The following C13orf42 variants were observed in gnomAD, a reference collection of about 807,000 sequenced individuals.
The protein encoded by C13orf42 is chromosome 13 open reading frame 42, also known as uncharacterized protein C13orf42.
At position 51,168,547 on chromosome 13, in the gene C13orf42, G is replaced by A. The variant is rs185209678; in HGVS notation, n.136+3706C>T. Among the ~76,000 whole-genome samples, 5 of 152,280 alleles carry A rather than the reference G, an allele frequency of 3.3e-5. No individual in the cohort carries two copies. The East Asian group carries it at 9.6e-4, about 29-fold the overall frequency. On this transcript the variant is annotated intron_variant and non_coding_transcript_variant, in intron 1 of 4. Transcript: ENST00000433280. The stretch of plus-strand genomic sequence containing the variant: ...CTTCCCCTGCCCACTGGCATCTTAG[G>A]CAAAAATGATGAGTTATTTCGGACT...
At chr13:51,090,437 G>A (rs899205978) in intron 1 of C13orf42, among the ~76,000 whole-genome samples, 2 of 152,118 alleles carry the variant, frequency 1.3e-5, no homozygotes, top group African/African-American at 4.8e-5. Flanking sequence ...GGCTGACCCA[G>A]CCTGACCCCT....
chr13:51,116,914 C>T (rs1953496532), intron 1 of C13orf42, among the ~76,000 whole-genome samples: 1 of 152,218 alleles, frequency 6.6e-6, no homozygotes, highest in Non-Finnish European at 1.5e-5. Flanking sequence ...ATGCTCAGGG[C>T]ATCCAACAGT....
chr13:51,170,462 G>A lies in C13orf42; in HGVS notation n.136+1791C>T, dbSNP rs568216767. On this transcript the variant is annotated intron_variant and non_coding_transcript_variant, in intron 1 of 4. Coordinates refer to the C13orf42 transcript ENST00000433280. ...GAAACATCTCACCAATTTCGAATCC[G>A]GTAAGTGGCCTCTTTTTACTCTCTT... 4.6e-5 allele frequency among the ~76,000 whole-genome samples: 7 copies of A among 152,168 alleles called. No individual in the cohort carries two copies. In the South Asian group the frequency reaches 1.2e-3, roughly 27 times the overall value.
chr13:51,164,499 C>CA (rs1453647508), intron 1 of C13orf42, among the ~76,000 whole-genome samples: 1 of 152,046 alleles, frequency 6.6e-6, no homozygotes, highest in Non-Finnish European at 1.5e-5. Context: ...CCCATCTCTA[C>CA]AAAAAATTTA....
At chr13:51,123,669 T>G (rs1404709415) in intron 1 of C13orf42, among the ~76,000 whole-genome samples, 1 of 152,220 alleles carries the variant, frequency 6.6e-6, no homozygotes, top group Non-Finnish European at 1.5e-5. Flanking sequence ...AATCTGCCTC[T>G]ATCACCTAAC....
At chr13:51,154,940 G>C (rs373908043) in intron 1 of C13orf42, among the ~76,000 whole-genome samples, 1 of 152,190 alleles carries the variant, frequency 6.6e-6, no homozygotes, top group Non-Finnish European at 1.5e-5. Context: ...GGGCCGGTAA[G>C]GTAGGACAGG....
At chr13:51,086,811 G>T (rs1354713133) in intron 2 of C13orf42, among the ~76,000 whole-genome samples, 1 of 152,124 alleles carries the variant, frequency 6.6e-6, no homozygotes, top group Non-Finnish European at 1.5e-5. Context: ...ACTCCCAGGG[G>T]CAGGGCTGCT....
At chr13:51,131,058 G>A (rs1953613249) in intron 1 of C13orf42, among the ~76,000 whole-genome samples, 1 of 152,182 alleles carries the variant, frequency 6.6e-6, no homozygotes, top group South Asian at 2.1e-4. Context: ...CAGTTTTTCT[G>A]TAAATTAAAC....
At chr13:51,114,040 A>C (rs1953461740), upstream of C13orf42, among the ~76,000 whole-genome samples, 1 of 152,256 alleles carries the variant, frequency 6.6e-6, no homozygotes, top group South Asian at 2.1e-4. Context: ...TAAAGTGCAG[A>C]ACCCCAGAGT....
At chr13:51,085,244 G>T (rs1157794448) in intron 3 of C13orf42, 75 bp downstream of exon 3, 5 of 389,738 alleles carry the variant, frequency 1.3e-5, no homozygotes, top group Admixed American at 8.9e-5. Flanking sequence ...GGGGCTGGAG[G>T]CACCTTAAGG....
At chr13:51,092,258 C>T (rs569335602) in intron 1 of C13orf42, among the ~76,000 whole-genome samples, 20 of 152,316 alleles carry the variant, frequency 1.3e-4, no homozygotes, top group Non-Finnish European at 2.6e-4. Context: ...CTGTTACCAC[C>T]TGCGATAAGC....
At chr13:51,135,838 C>T (rs988174902) in intron 1 of C13orf42, among the ~76,000 whole-genome samples, 8 of 152,160 alleles carry the variant, frequency 5.3e-5, no homozygotes, top group African/African-American at 1.9e-4. Context: ...TCACTTCTTT[C>T]ATTCTGTGGC....
At chr13:51,141,138 G>GTGTA (rs1491552826) in intron 1 of C13orf42, among the ~76,000 whole-genome samples, 5 of 141,970 alleles carry the variant, frequency 3.5e-5, no homozygotes, top group African/African-American at 1.3e-4. Context: ...GTGTGTGTGT[G>GTGTA]TATGCATGTT....
At chr13:51,140,062 A>C (rs1397520191) in intron 1 of C13orf42, among the ~76,000 whole-genome samples, 7 of 152,186 alleles carry the variant, frequency 4.6e-5, no homozygotes, top group Non-Finnish European at 1.0e-4. Flanking sequence ...CTTAGGGCAA[A>C]CTTGCCTCCC....
intron 1 of C13orf42, among the ~76,000 whole-genome samples, chr13:51,158,859 G>A (rs895356495): frequency 1.4e-4 from 21 of 152,234 alleles, no homozygotes; most frequent in African/African-American, 5.1e-4. Context: ...ACGCTAGTAT[G>A]TTTCCCAGAA....
At chr13:51,116,244 GCACGTCTGA>G, upstream of C13orf42, among the ~76,000 whole-genome samples, 1 of 152,198 alleles carries the variant, frequency 6.6e-6, no homozygotes, top group East Asian at 1.9e-4. Flanking sequence ...GGCAGAAGGG[GCACGTCTGA>G]CAATGGGAGG....
intron 1 of C13orf42, among the ~76,000 whole-genome samples, chr13:51,089,921 T>C (rs148756405): frequency 3.0e-3 from 462 of 151,842 alleles, no homozygotes; most frequent in African/African-American, 0.01. Context: ...AGGTGACCAA[T>C]GTGATGGAGC....
intron 1 of C13orf42, among the ~76,000 whole-genome samples, chr13:51,120,123 A>G (rs1350852279): frequency 6.6e-6 from 1 of 152,198 alleles, no homozygotes; most frequent in Non-Finnish European, 1.5e-5. Flanking sequence ...AAATGGTTTC[A>G]TCTGTAGAGG....
intron 1 of C13orf42, among the ~76,000 whole-genome samples, chr13:51,156,663 G>A (rs1953826149): frequency 6.6e-6 from 1 of 152,202 alleles, no homozygotes; most frequent in South Asian, 2.1e-4. Context: ...TAAGATTATT[G>A]TAAAGACTAG....
Sources: allele counts gnomAD v4.1 joint callset (sites outside exome capture counted in the v4.1 genomes callset), GRCh38; gene constraint gnomAD v4.1.1; transcripts MANE v1.5; gene names NCBI Gene and HGNC (gene_info 2026-07-23, HGNC 2026-07-21).